Variants in ZNF718 observed in about 807,000 individuals in gnomAD.
ZNF718 encodes zinc finger protein 718.
A neutral mutation model predicts 2.6 loss-of-function variants in ZNF718; 3 were observed. That is an observed-to-expected ratio of 1.16 (90% CI 0.53 to 3.01). The LOEUF is 3.01. ZNF718 is among the 30% of genes most tolerant of loss of function. The pLI is 0.03. For synonymous variants in ZNF718, 135 were observed against 77.9 expected (o/e 1.73, Z -3.86); for missense variants, 468 against 230.0 (o/e 2.03, Z -6.69).
At position 133,201 on chromosome 4, in the gene ZNF718, T is replaced by C. The variant is rs1469962189; in HGVS notation, c.226+1696T>C. 2.3e-4 allele frequency among the ~76,000 whole-genome samples: 4 copies of C among 17,768 alleles called. 1 individual carries two copies. Among genetic ancestry groups the C allele is most frequent in the African/African-American group, 1.1e-3 (4 of 3,514 alleles). 11.7% of individuals were successfully genotyped at this position (17,768 alleles called of 152,430 possible). Reference sequence around the variant, plus strand: ...TTAAAAAAAAAAAAAAAAAAATATATATATATATATATATATATATATATA... The same window carrying C: ...TTAAAAAAAAAAAAAAAAAAATATACATATATATATATATATATATATATA... On this transcript the variant is annotated intron_variant, in intron 3 of 3. Transcript: ENST00000510175.
chr4:124,624 T>C lies in ZNF718; in HGVS notation c.-47T>C. On this transcript the variant is annotated 5_prime_UTR_variant, in exon 1 of 4. Coordinates refer to ENST00000510175, the MANE Select transcript of ZNF718 (RefSeq NM_001039127.6). ...TCTGTGGCTCTGTGACCTGCCGGTA[T>C]TGGATGATTCGTATCTAAGACTCTG... 1 of 1,604,236 alleles carries C rather than the reference T, an allele frequency of 6.2e-7. No homozygotes were observed. Among genetic ancestry groups the C allele is most frequent in the East Asian group, 2.2e-5 (1 of 44,794 alleles).
At position 163,483 on chromosome 4, in the gene ZNF718, T is replaced by G. The variant is rs761311533; in HGVS notation, c.*1361T>G. ...GATTACAGGCGTATTCATGAACTTT[T>G]ACATGAATGAGTAAGGACATTGAAA... On this transcript the variant is annotated 3_prime_UTR_variant, in exon 4 of 4. Coordinates refer to ENST00000510175, the MANE Select transcript of ZNF718 (RefSeq NM_001039127.6). 6.6e-6 allele frequency: 1 copy of G among 152,208 alleles called. No individual in the cohort carries two copies. Among genetic ancestry groups the G allele is most frequent in the Admixed American group, 6.5e-5 (1 of 15,276 alleles). 9.4% of individuals were successfully genotyped at this position (152,208 alleles called of 1,614,324 possible). A position where few individuals can be genotyped will look rare whatever the true frequency, so the allele number is the denominator to read the frequency against.
chr4:159,503 C>G (rs1716731005), intron 3 of ZNF718, among the ~76,000 whole-genome samples: 1 of 151,944 alleles, frequency 6.6e-6, no homozygotes, highest in South Asian at 2.1e-4. Flanking sequence ...ACTTTTGAAA[C>G]TTTGCTTGTA....
chr4:140,243 G>A (rs1474409404), intron 3 of ZNF718, among the ~76,000 whole-genome samples: 1 of 152,062 alleles, frequency 6.6e-6, no homozygotes, highest in Non-Finnish European at 1.5e-5. Flanking sequence ...GCCCACCTAA[G>A]GTCAGAGACA....
intron 3 of ZNF718, chr4:136,442 G>A (rs1553809348): frequency 1.9e-6 from 1 of 521,998 alleles, no homozygotes; most frequent in Non-Finnish European, 3.8e-6. Context: ...TAGCTGAGAG[G>A]AGTTTGAGAC....
chr4:155,821 G>T (rs1716542171), intron 3 of ZNF718, among the ~76,000 whole-genome samples: 1 of 152,158 alleles, frequency 6.6e-6, no homozygotes, highest in Non-Finnish European at 1.5e-5. Context: ...AGAACCAGGG[G>T]TGGAATGATA....
intron 3 of ZNF718, among the ~76,000 whole-genome samples, chr4:145,577 C>T (rs1553811080): frequency 6.6e-6 from 1 of 152,104 alleles, no homozygotes; most frequent in East Asian, 1.9e-4. Flanking sequence ...ATCTTCCCAC[C>T]TTACCCTCCT....
intron 3 of ZNF718, among the ~76,000 whole-genome samples, chr4:144,332 G>A (rs1413835094): frequency 6.6e-6 from 1 of 152,192 alleles, no homozygotes; most frequent in Non-Finnish European, 1.5e-5. Context: ...TTGTCAAAAA[G>A]AAGTTTGCTG....
intron 3 of ZNF718, among the ~76,000 whole-genome samples, chr4:135,750 T>TATA (rs1553809234): frequency 5.3e-4 from 16 of 30,378 alleles, no homozygotes; most frequent in Non-Finnish European, 7.5e-4. Context: ...ATGTGCATGA[T>TATA]TATATAATCT....
chr4:155,282 G>C (rs1379297813), intron 3 of ZNF718, among the ~76,000 whole-genome samples: 1 of 152,190 alleles, frequency 6.6e-6, no homozygotes, highest in Non-Finnish European at 1.5e-5. Flanking sequence ...TAGTGGAGCT[G>C]TGAGAAGCAG....
chr4:157,510 GA>G (rs1421990419), intron 3 of ZNF718, among the ~76,000 whole-genome samples: 1 of 152,072 alleles, frequency 6.6e-6, no homozygotes, highest in Non-Finnish European at 1.5e-5. Context: ...GGAAAAACTC[GA>G]TTAGAAATTT....
At chr4:164,396 C>T (rs1437925667), downstream of ZNF718, among the ~76,000 whole-genome samples, 1 of 150,074 alleles carries the variant, frequency 6.7e-6, no homozygotes, top group Non-Finnish European at 1.5e-5. Flanking sequence ...AACATAAAAA[C>T]CTAAAATATT....
intron 3 of ZNF718, among the ~76,000 whole-genome samples, chr4:172,056 T>C (rs1483477910): frequency 6.6e-6 from 1 of 152,260 alleles, no homozygotes; most frequent in Non-Finnish European, 1.5e-5. Flanking sequence ...TCATGCAGAA[T>C]AGTCTATATT....
intron 1 of ZNF718, 157 bp downstream of exon 1, chr4:124,830 A>G (rs1553807641): frequency 1.0e-6 from 1 of 980,202 alleles, no homozygotes; most frequent in African/African-American, 1.6e-5. Context: ...CAGTCCCCGT[A>G]CAGCGGCTCT....
rs1383482482 is a variant in ZNF718 at position 132,091 on chromosome 4, C to T, written c.226+586C>T. ...GGCAGAGGTTGCGGTCGGCTGAGATCGTGCCACTGCACTCCAGCCTGGGCG... is the reference window on the plus strand; with the variant it reads ...GGCAGAGGTTGCGGTCGGCTGAGATTGTGCCACTGCACTCCAGCCTGGGCG... On this transcript the variant is annotated intron_variant, in intron 3 of 3. Coordinates refer to ENST00000510175, the MANE Select transcript of ZNF718 (RefSeq NM_001039127.6). Among the ~76,000 whole-genome samples the T allele has an allele frequency of 3.6e-5, 3 of 84,440 alleles. 1 individual carries two copies. Among genetic ancestry groups the T allele is most frequent in the Admixed American group, 1.3e-4 (1 of 7,586 alleles). The allele number at this position is 84,440 out of a possible 152,430, so 55.4% of individuals were successfully genotyped here.
At chr4:124,493 T>C (rs3747693), upstream of ZNF718, 26 of 779,484 alleles carry the variant, frequency 3.3e-5, no homozygotes, top group East Asian at 7.1e-4. Context: ...GCATCCGGGA[T>C]CTGGCGCGGC....
intron 3 of ZNF718, among the ~76,000 whole-genome samples, chr4:180,536 G>C (rs992437059): frequency 2.6e-5 from 4 of 152,178 alleles, no homozygotes; most frequent in Non-Finnish European, 5.9e-5. Context: ...TGGCAGTGTG[G>C]AAAAAGCCCA....
intron 3 of ZNF718, among the ~76,000 whole-genome samples, chr4:199,485 C>T (rs879954916): frequency 2.6e-5 from 4 of 151,778 alleles, no homozygotes; most frequent in Non-Finnish European, 5.9e-5. Flanking sequence ...ATCTGTGCAG[C>T]GTGTGAATGA....
chr4:174,463 T>C (rs1316724389), intron 3 of ZNF718, among the ~76,000 whole-genome samples: 1 of 152,188 alleles, frequency 6.6e-6, no homozygotes, highest in Non-Finnish European at 1.5e-5. Context: ...ACTCCATAAT[T>C]CTTGTCACTT....
Sources: allele counts gnomAD v4.1 joint callset (sites outside exome capture counted in the v4.1 genomes callset), GRCh38; gene constraint gnomAD v4.1.1; transcripts MANE v1.5; gene names NCBI Gene and HGNC (gene_info 2026-07-23, HGNC 2026-07-21).